The following ZNF483 variants were observed in gnomAD, a reference collection of about 807,000 sequenced individuals.
The protein encoded by ZNF483 is zinc finger protein 483.
In ZNF483, 9 loss-of-function variants were observed where a neutral mutation model predicts 28.6. The ratio of observed to expected loss-of-function variants is 0.32; its 90% confidence interval spans 0.19 to 0.55. The LOEUF (loss-of-function observed/expected upper bound fraction) is 0.55. ZNF483 is among the 20% of genes least tolerant of loss of function. ZNF483 has a pLI of 0.93. For synonymous variants in ZNF483, 322 were observed against 306.2 expected (o/e 1.05, Z -0.54); for missense variants, 675 against 871.7 (o/e 0.77, Z 2.84).
chr9:111,568,437 C>T (rs998767496), intron 5 of ZNF483, among the ~76,000 whole-genome samples: 3 of 152,170 alleles, frequency 2.0e-5, no homozygotes, highest in Non-Finnish European at 4.4e-5. Flanking sequence ...TGGTTCTCTG[C>T]TTTCGAACCC....
intron 5 of ZNF483, chr9:111,562,972 T>C: frequency 7.1e-7 from 1 of 1,412,352 alleles, no homozygotes; most frequent in Non-Finnish European, 9.2e-7. Flanking sequence ...ACTAATTACA[T>C]ACCACTTAAA....
intron 5 of ZNF483, among the ~76,000 whole-genome samples, chr9:111,573,634 G>T (rs917918675): frequency 1.3e-5 from 2 of 152,104 alleles, no homozygotes; most frequent in African/African-American, 4.8e-5. Flanking sequence ...CAGAATCACT[G>T]TAGCAGAAAC....
Position 111,527,741 on chromosome 9 carries a change from C to T in ZNF483, c.346C>T (p.His116Tyr). 6.2e-7 allele frequency: 1 copy of T among 1,614,138 alleles called. No individual in the cohort carries two copies. The highest frequency in any genetic ancestry group is 8.5e-7 in the Non-Finnish European group (1 of 1,180,032). ...GEIRIWVKSQ[H>Y]PESSEEVVTL... ...GATCAGGATTTGGGTAAAGTCACAA[C>T]ATCCTGAGAGTAGTGAGGAAGTGGT... The change falls in exon 2 of 6, where the codon CAT becomes TAT. Residue 116 changes from histidine to tyrosine, a missense_variant. Coordinates refer to ENST00000309235, the MANE Select transcript of ZNF483 (RefSeq NM_133464.5).
rs955682464 is a variant in ZNF483 at position 111,534,421 on chromosome 9, T to G, written c.721+68T>G. The G allele has an allele frequency of 1.6e-5, 21 of 1,334,474 alleles. 1 individual carries two copies. In the South Asian group the frequency reaches 2.5e-4, roughly 16 times the overall value. 82.7% of individuals were successfully genotyped at this position (1,334,474 alleles called of 1,614,324 possible). ...TAGCAAGTCTGTTGAGAAGACTCTT[T>G]GAAATGTTGGGCTGCCTAGATACTA... is the stretch of plus-strand genomic sequence containing the variant. On this transcript the variant is annotated intron_variant, in intron 5 of 5. Transcript: ENST00000309235.
At chr9:111,569,336 C>T (rs952116439) in intron 5 of ZNF483, among the ~76,000 whole-genome samples, 5 of 152,136 alleles carry the variant, frequency 3.3e-5, no homozygotes, top group Admixed American at 6.5e-5. Flanking sequence ...GAGGACCAAT[C>T]AGTGAGGAAA....
At chr9:111,570,001 T>A in intron 5 of ZNF483, 1 of 1,575,634 alleles carries the variant, frequency 6.3e-7, no homozygotes, top group East Asian at 2.3e-5. Flanking sequence ...GCGGCAGAGA[T>A]GGGGAAGAAT....
chr9:111,542,863 C>A lies in ZNF483; in HGVS notation c.1928C>A (p.Ala643Asp). Residue 643 changes from alanine (A) to aspartate (D), a missense_variant, in exon 6 of 6, where the codon GCC (alanine) becomes GAC (aspartate). Coordinates refer to ENST00000309235, the MANE Select transcript of ZNF483 (RefSeq NM_133464.5). This position sits in a 1 kb window ranked among gnomAD's most constrained non-coding sequence, Gnocchi z 6.2. The part of the protein sequence containing the change: ...KPYKCNQCEK[A>D]FPTHSLLSRH... ...TACAAATGTAACCAGTGTGAGAAAG[C>A]CTTCCCAACCCATTCACTGCTAAGT... is the stretch of plus-strand genomic sequence containing the variant. 1 of 1,614,118 alleles carries A rather than the reference C, an allele frequency of 6.2e-7. No homozygotes were observed. Among genetic ancestry groups the A allele is most frequent in the Non-Finnish European group, 8.5e-7 (1 of 1,180,018 alleles).
At position 111,548,273 on chromosome 9, in the gene ZNF483, T is replaced by G. The variant is rs1473806134; in HGVS notation, c.*5103T>G. 6.6e-6 allele frequency among the ~76,000 whole-genome samples: 1 copy of G among 152,222 alleles called. No homozygotes were observed. The highest frequency in any genetic ancestry group is 2.4e-5 in the African/African-American group (1 of 41,464). The stretch of plus-strand genomic sequence containing the variant: ...ACTAACAATAACAAACATTACAGTC[T>G]GTGAACCCCAGGTGTCTTTCCATGT... On this transcript the variant is annotated 3_prime_UTR_variant, in exon 6 of 6. Coordinates refer to ENST00000309235, the MANE Select transcript of ZNF483 (RefSeq NM_133464.5).
rs1216302096 is a variant in ZNF483 at position 111,542,653 on chromosome 9, A to C, written c.1718A>C (p.His573Pro). The change falls in exon 6 of 6, where the codon CAT becomes CCT. Residue 573 changes from histidine (H) to proline (P), a missense_variant. Transcript: ENST00000309235. The surrounding 1 kb of genome is among the most constrained non-coding windows in gnomAD (Gnocchi z 6.2). Reference sequence around the variant, plus strand: ...TCCCTTTCCAAACATCAGAGAATTCATACTGGAGAGAAACCCTATAAATGT... The same window carrying C: ...TCCCTTTCCAAACATCAGAGAATTCCTACTGGAGAGAAACCCTATAAATGT... ...SSSLSKHQRI[H>P]TGEKPYKCGE... The C allele has an allele frequency of 6.2e-7, 1 of 1,613,996 alleles. No individual in the cohort carries two copies. The highest frequency in any genetic ancestry group is 8.5e-7 in the Non-Finnish European group (1 of 1,180,002).
chr9:111,563,509 CTTTT>C (rs769286166), intron 5 of ZNF483: 10 of 183,186 alleles, frequency 5.5e-5, no homozygotes, highest in East Asian at 2.6e-4. Context: ...CTTTTTCTTT[CTTTT>C]TTTTTTTTTT....
rs1417523429 is a variant in ZNF483, at chr9:111,553,347, C to A, written c.*10177C>A. On this transcript the variant is annotated 3_prime_UTR_variant, in exon 6 of 6. Coordinates refer to ENST00000309235, the MANE Select transcript of ZNF483 (RefSeq NM_133464.5). The stretch of plus-strand genomic sequence containing the variant: ...CACTGAATTCTGCCTCAGTAATATG[C>A]CTTTGTTTAAAATTTAAATATTTTT... 6.6e-6 allele frequency among the ~76,000 whole-genome samples: 1 copy of A among 151,970 alleles called. No homozygotes were observed. The highest frequency in any genetic ancestry group is 1.5e-5 in the Non-Finnish European group (1 of 68,012).
chr9:111,531,891 C>T (rs540958368), intron 3 of ZNF483, among the ~76,000 whole-genome samples: 3 of 152,270 alleles, frequency 2.0e-5, no homozygotes, highest in African/African-American at 7.2e-5. Flanking sequence ...GCTGTGTTGC[C>T]CAGGCCAGTC....
chr9:111,561,591 A>G (rs1828323210), intron 5 of ZNF483, among the ~76,000 whole-genome samples: 1 of 152,158 alleles, frequency 6.6e-6, no homozygotes, highest in Non-Finnish European at 1.5e-5. Flanking sequence ...TTTTCTTCAT[A>G]TAAATCTTGC....
At chr9:111,558,954 C>A (rs947750664), downstream of ZNF483, among the ~76,000 whole-genome samples, 2 of 152,124 alleles carry the variant, frequency 1.3e-5, no homozygotes, top group Non-Finnish European at 2.9e-5. Flanking sequence ...CACCACTACC[C>A]CCTCTCCTGC....
At chr9:111,526,382 T>G (rs1412284419) in intron 1 of ZNF483, among the ~76,000 whole-genome samples, 1 of 152,140 alleles carries the variant, frequency 6.6e-6, no homozygotes, top group Non-Finnish European at 1.5e-5. Context: ...ATGTGAACTT[T>G]ATCGAGAGAC....
chr9:111,527,968 G>C, intron 2 of ZNF483, 161 bp downstream of exon 2: 1 of 1,522,912 alleles, frequency 6.6e-7, no homozygotes, highest in Non-Finnish European at 8.8e-7. Context: ...TTTTGGGCAA[G>C]CTGTGTAAAC....
At chr9:111,528,929 C>T (rs998827209) in intron 2 of ZNF483, among the ~76,000 whole-genome samples, 7 of 151,936 alleles carry the variant, frequency 4.6e-5, no homozygotes, top group Admixed American at 1.3e-4. Flanking sequence ...GTGGATCACC[C>T]GAGGTCAGGA....
intron 2 of ZNF483, chr9:111,528,086 A>T (rs962157436): frequency 8.3e-6 from 11 of 1,333,050 alleles, no homozygotes; most frequent in African/African-American, 1.5e-5. Flanking sequence ...GATGCTCAAG[A>T]AATAGTAATT....
rs1239573988 is a variant in ZNF483, at chr9:111,543,086, A to G, written c.2151A>G (p.Arg717=). The G allele has an allele frequency of 1.2e-6, 2 of 1,614,116 alleles. No homozygotes were observed. ...VEHLKIHTGR[R]EYECNECEKT... is the part of the protein sequence containing the mutation. ...ACCTAAAAATTCATACCGGAAGGAG[A>G]GAATATGAATGTAACGAATGTGAGA... is the stretch of plus-strand genomic sequence containing the variant. The change falls in exon 6 of 6, where the codon AGA becomes AGG. Residue 717 remains arginine (R), a synonymous_variant. Coordinates refer to ENST00000309235, the MANE Select transcript of ZNF483 (RefSeq NM_133464.5).
Sources: allele counts gnomAD v4.1 joint callset (sites outside exome capture counted in the v4.1 genomes callset), GRCh38; gene constraint gnomAD v4.1.1; non-coding constraint Gnocchi (gnomAD v3.1); transcripts MANE v1.5; gene names NCBI Gene and HGNC (gene_info 2026-07-23, HGNC 2026-07-21).